ADAMTSL3: variants seen among roughly 807,000 people sequenced by gnomAD.
ADAMTSL3 encodes the protein ADAMTS-like protein 3.
Under a neutral mutation model 201.7 loss-of-function variants are expected in ADAMTSL3, and 128 were observed. The ratio of observed to expected loss-of-function variants is 0.63; its 90% CI spans 0.55 to 0.73. The LOEUF is 0.73. Ranked by LOEUF, ADAMTSL3 falls within the 30% of genes least tolerant of loss-of-function variation. The pLI is 0.00. For synonymous variants in ADAMTSL3, 738 were observed against 748.4 expected (o/e 0.99, Z 0.23); for missense variants, 1,990 against 2,119.6 (o/e 0.94, Z 1.20).
chr15:83,976,041 T>C (rs967070808), intron 20 of ADAMTSL3, among the ~76,000 whole-genome samples: 1 of 152,206 alleles, frequency 6.6e-6, no homozygotes, highest in Non-Finnish European at 1.5e-5. Context: ...TGAATTCTAA[T>C]GATGTTTCAC....
intron 24 of ADAMTSL3, 76 bp from the exon 25 acceptor site, chr15:84,016,307 C>A: frequency 8.5e-7 from 1 of 1,178,600 alleles, no homozygotes; most frequent in Non-Finnish European, 1.2e-6. Context: ...TAATAGCTGT[C>A]TTTAAGAACA....
At chr15:83,911,813 T>C (rs533297439) in intron 15 of ADAMTSL3, among the ~76,000 whole-genome samples, 28 of 152,322 alleles carry the variant, frequency 1.8e-4, no homozygotes, top group Non-Finnish European at 3.5e-4. Context: ...GTTAGAAATA[T>C]TAAGCTTTGG....
chr15:83,826,605 C>T (rs919016832), intron 6 of ADAMTSL3, among the ~76,000 whole-genome samples: 3 of 151,734 alleles, frequency 2.0e-5, no homozygotes, highest in Admixed American at 6.6e-5. Flanking sequence ...TGGAATGCTG[C>T]ACCCATTAAC....
Position 83,899,732 on chromosome 15 carries a change from G to GT in ADAMTSL3, c.1700+2dup. 1 of 1,610,084 alleles carries GT rather than the reference G, an allele frequency of 6.2e-7. No individual in the cohort carries two copies. On this transcript the variant is annotated splice_donor_variant, in intron 15 of 29. Transcript: ENST00000286744. LOFTEE classifies it high-confidence loss of function. ...CCAGAATAGCAACAGAAGAACCAAC[G>GT]TGAGTCCAGGACCTTTTGTAGGAAT...
intron 26 of ADAMTSL3, among the ~76,000 whole-genome samples, chr15:84,024,257 C>CAACA (rs939123633): frequency 2.0e-5 from 3 of 152,050 alleles, no homozygotes; most frequent in Admixed American, 1.3e-4. Context: ...CTCCGTCTCA[C>CAACA]AACAAACAAA....
chr15:83,844,643 T>C (rs1328634317), intron 7 of ADAMTSL3, among the ~76,000 whole-genome samples: 1 of 152,150 alleles, frequency 6.6e-6, no homozygotes, highest in East Asian at 1.9e-4. Context: ...CTCCTCCATT[T>C]AATTCAGCAA....
At chr15:83,884,338 CT>C (rs35308485) in intron 9 of ADAMTSL3, among the ~76,000 whole-genome samples, 10,636 of 114,228 alleles carry the variant, frequency 0.093, 1,560 homozygotes, top group African/African-American at 0.32. Flanking sequence ...GCCCTATTTC[CT>C]TTTTTTTTTT....
rs116352156 is a variant in ADAMTSL3 at position 83,982,801 on chromosome 15, C to T, written c.3173C>T (p.Ala1058Val). 4.5e-4 allele frequency: 726 copies of T among 1,614,120 alleles called. 6 individuals carry two copies. In the African/African-American group the frequency reaches 8.8e-3, roughly 20 times the overall value. The change falls in exon 21 of 30, where the codon GCT becomes GTT. Residue 1058 changes from alanine (A) to valine (V), a missense_variant. By Grantham distance (64) the Ala-to-Val change is moderately conservative. Coordinates refer to ENST00000286744, the MANE Select transcript of ADAMTSL3 (RefSeq NM_207517.3). ...DHISNQPFLR[A>V]LLGHCSNSAG... ...ATTAGTAACCAGCCTTTCTTGAGAGCTCTGTTAGGCCACTGCAGCAATTCT... is the reference window on the plus strand; with the variant it reads ...ATTAGTAACCAGCCTTTCTTGAGAGTTCTGTTAGGCCACTGCAGCAATTCT...
intron 3 of ADAMTSL3, among the ~76,000 whole-genome samples, chr15:83,726,209 G>A (rs902152224): frequency 1.3e-5 from 2 of 152,046 alleles, no homozygotes; most frequent in Non-Finnish European, 2.9e-5. Flanking sequence ...TTTGCTATTG[G>A]CATATGGAAA....
At chr15:84,026,164 A>G (rs1004703994) in intron 27 of ADAMTSL3, among the ~76,000 whole-genome samples, 1 of 152,248 alleles carries the variant, frequency 6.6e-6, no homozygotes, top group African/African-American at 2.4e-5. Context: ...ATAGTACAGC[A>G]TTAGTGCAGA....
intron 19 of ADAMTSL3, among the ~76,000 whole-genome samples, chr15:83,968,251 C>T (rs574559210): frequency 6.6e-6 from 1 of 152,274 alleles, no homozygotes; most frequent in East Asian, 1.9e-4. Context: ...AGGCAACCTA[C>T]AGAATGGGAG....
chr15:83,877,580 T>G (rs1446273747), intron 9 of ADAMTSL3, among the ~76,000 whole-genome samples: 1 of 152,220 alleles, frequency 6.6e-6, no homozygotes, highest in Non-Finnish European at 1.5e-5. Flanking sequence ...TTGCTTTTCT[T>G]GACACTGCAT....
At chr15:83,727,779 C>T (rs1382870266) in intron 3 of ADAMTSL3, among the ~76,000 whole-genome samples, 1 of 151,750 alleles carries the variant, frequency 6.6e-6, no homozygotes, top group African/African-American at 2.4e-5. Context: ...TGTTTTTGGC[C>T]TAACATGTGG....
At chr15:83,736,770 C>T (rs1426207956) in intron 3 of ADAMTSL3, among the ~76,000 whole-genome samples, 1 of 152,202 alleles carries the variant, frequency 6.6e-6, no homozygotes. Context: ...CCAGAGACCT[C>T]TAGGAGAGAT....
chr15:83,931,447 C>A lies in ADAMTSL3; in HGVS notation c.2117+7414C>A, dbSNP rs561758583. ...TCCTGAAGTCACATCAATAAACTTA[C>A]AAATTTAAGCTGAATTGTTTTAATC... On this transcript the variant is annotated intron_variant, in intron 17 of 29. Coordinates refer to ENST00000286744, the MANE Select transcript of ADAMTSL3 (RefSeq NM_207517.3). Among the ~76,000 whole-genome samples the A allele has an allele frequency of 5.3e-5, 8 of 152,292 alleles. No individual in the cohort carries two copies. In the South Asian group the frequency reaches 1.7e-3, roughly 32 times the overall value.
intron 24 of ADAMTSL3, among the ~76,000 whole-genome samples, chr15:84,015,758 A>T (rs2068078236): frequency 6.6e-6 from 1 of 152,136 alleles, no homozygotes; most frequent in Non-Finnish European, 1.5e-5. Context: ...TTCTTGAATG[A>T]TTTATCCATG....
chr15:84,011,092 G>A (rs926777967), intron 23 of ADAMTSL3, among the ~76,000 whole-genome samples: 1 of 152,184 alleles, frequency 6.6e-6, no homozygotes. Context: ...GTCTTACATA[G>A]AGTAGGCACT....
intron 21 of ADAMTSL3, among the ~76,000 whole-genome samples, 182 bp downstream of exon 21, chr15:83,983,526 A>T (rs1039152758): frequency 6.6e-6 from 1 of 152,212 alleles, no homozygotes; most frequent in African/African-American, 2.4e-5. Flanking sequence ...TTTAAATTCA[A>T]CCGCCATATC....
At chr15:83,983,654 C>T (rs2067428971) in intron 21 of ADAMTSL3, among the ~76,000 whole-genome samples, 1 of 152,130 alleles carries the variant, frequency 6.6e-6, no homozygotes, top group African/African-American at 2.4e-5. Flanking sequence ...CAATATAAGG[C>T]CATTTTAAAA....
Sources: allele counts gnomAD v4.1 joint callset (sites outside exome capture counted in the v4.1 genomes callset), GRCh38; gene constraint gnomAD v4.1.1; transcripts MANE v1.5; gene names NCBI Gene and HGNC (gene_info 2026-07-23, HGNC 2026-07-21).